The following EPS8L1 variants were observed in gnomAD, a reference collection of about 807,000 sequenced individuals.
The protein encoded by EPS8L1 is EPS8 signaling adaptor L1, also known as epidermal growth factor receptor kinase substrate 8-like protein 1.
In EPS8L1, 101 loss-of-function variants were observed where a neutral mutation model predicts 91.7. The observed-to-expected ratio is 1.10, with a 90% confidence interval of 0.94 to 1.30. The LOEUF is 1.30. Among genes scored for constraint, EPS8L1 ranks in the 50% most tolerant of loss-of-function variants. The pLI is 0.00. For missense variants in EPS8L1, 1,114 were observed against 1,017.0 expected (o/e 1.10, Z -1.30); for synonymous variants, 506 against 445.3 (o/e 1.14, Z -1.72).
chr19:55,079,906 C>A, intron 5 of EPS8L1, 55 bp downstream of exon 5: 1 of 1,539,602 alleles, frequency 6.5e-7, no homozygotes, highest in Non-Finnish European at 8.8e-7. Context: ...TTCAGGGGGT[C>A]TGGGTGTGAA....
At chr19:55,085,044 G>A (rs769998354) in intron 14 of EPS8L1, among the ~76,000 whole-genome samples, 8 of 152,134 alleles carry the variant, frequency 5.3e-5, no homozygotes, top group Non-Finnish European at 1.2e-4. Flanking sequence ...GGTCTCTGGG[G>A]GAGGAAGAAA....
intron 12 of EPS8L1, 60 bp downstream of exon 12, chr19:55,082,662 A>C: frequency 6.8e-7 from 1 of 1,465,566 alleles, no homozygotes; most frequent in Non-Finnish European, 9.2e-7. Context: ...AGGCGCTGGG[A>C]GGTGGGTGGC....
chr19:55,081,849 T>A lies in EPS8L1; in HGVS notation c.851T>A (p.Val284Glu), dbSNP rs1294762906. The change falls in exon 9 of 20, where the codon GTG (valine) becomes GAG (glutamate). Residue 284 changes from valine to glutamate, a missense_variant. By Grantham distance (121) the Val-to-Glu change is moderately radical. Coordinates refer to ENST00000201647, the MANE Select transcript of EPS8L1 (RefSeq NM_133180.3). The surrounding 1 kb of genome is among the most constrained non-coding windows in gnomAD (Gnocchi z 4.9). Reference protein sequence around the residue: ...RLQKSAEAARVLEHRERGRRS... With the variant: ...RLQKSAEAARELEHRERGRRS... ...CAGAAGTCGGCGGAGGCGGCCAGGG[T>A]GCTGGAGCACCGGGAACGCGGCCGC... The A allele has an allele frequency of 6.2e-7, 1 of 1,610,928 alleles. No individual in the cohort carries two copies. The highest frequency in any genetic ancestry group is 1.1e-5 in the South Asian group (1 of 90,986).
rs1281899012 is a variant in EPS8L1, at chr19:55,081,664, T to C, written c.775-109T>C. 2.7e-6 allele frequency: 4 copies of C among 1,489,286 alleles called. No individual in the cohort carries two copies. In the East Asian group the frequency reaches 9.3e-5, roughly 34 times the overall value. The allele number at this position is 1,489,286 out of a possible 1,614,324, so 92.3% of individuals were successfully genotyped here. A position where few individuals can be genotyped will look rare whatever the true frequency, so the allele number is the denominator to read the frequency against. On this transcript the variant is annotated intron_variant, in intron 8 of 19. Coordinates refer to ENST00000201647, the MANE Select transcript of EPS8L1 (RefSeq NM_133180.3). The surrounding 1 kb of genome is among the most constrained non-coding windows in gnomAD (Gnocchi z 4.9). ...TGGTTGTGGGGCGTGGCCAGGTGTT[T>C]GGGGCGTGGCCTGATCTGGGGAAGT...
intron 12 of EPS8L1, 136 bp downstream of exon 12, chr19:55,082,738 G>A: frequency 2.4e-6 from 2 of 839,064 alleles, no homozygotes; most frequent in Non-Finnish European, 3.6e-6. Context: ...GTTGTGTTGG[G>A]GCGGGGCTTA....
chr19:55,087,493 C>G (rs745893794), intron 19 of EPS8L1, 35 bp from the exon 20 acceptor site: 1 of 1,614,118 alleles, frequency 6.2e-7, no homozygotes, highest in Non-Finnish European at 8.5e-7. Flanking sequence ...AGGGCTCGGA[C>G]GCCAGGACAA....
In EPS8L1 at chr19:55,081,258, C is replaced by A. The variant is rs1468909170; in HGVS notation, c.540C>A (p.Asp180Glu). 6.6e-7 allele frequency: 1 copy of A among 1,506,400 alleles called. No individual in the cohort carries two copies. Among genetic ancestry groups the A allele is most frequent in the East Asian group, 2.4e-5 (1 of 40,852 alleles). The allele number at this position is 1,506,400 out of a possible 1,614,324, so 93.3% of individuals were successfully genotyped here. Residue 180 changes from aspartate to glutamate, a missense_variant, in exon 8 of 20, where the codon GAC becomes GAA. By Grantham distance (45) the Asp-to-Glu change is conservative. Coordinates refer to ENST00000201647, the MANE Select transcript of EPS8L1 (RefSeq NM_133180.3). The surrounding 1 kb of genome is among the most constrained non-coding windows in gnomAD (Gnocchi z 4.9). ...LRATQEELQR[D>E]RSPAAETPPL... is the part of the protein sequence containing the mutation. ...CCACGCAGGAGGAGTTGCAGCGCGACCGCTCGCCCGCCGCTGAGACCCCGC... is the reference window on the plus strand; with the variant it reads ...CCACGCAGGAGGAGTTGCAGCGCGAACGCTCGCCCGCCGCTGAGACCCCGC...
At position 55,080,139 on chromosome 19, in the gene EPS8L1, A is replaced by G. The variant is rs866935004; in HGVS notation, c.290A>G (p.Glu97Gly). Residue 97 changes from glutamate to glycine, a missense_variant, in exon 6 of 20, where the codon GAG becomes GGG. By Grantham distance (98) the Glu-to-Gly change is moderately conservative. Coordinates refer to ENST00000201647, the MANE Select transcript of EPS8L1 (RefSeq NM_133180.3). ...LLDPASKEEL[E>G]SYPLGAIVRC... ...CATCCCACCCGGCAGGAGGAGCTGG[A>G]GTCGTACCCACTGGGCGCCATCGTG... is the stretch of plus-strand genomic sequence containing the variant. The G allele has an allele frequency of 6.7e-7, 1 of 1,501,342 alleles. No homozygotes were observed. Among genetic ancestry groups the G allele is most frequent in the Non-Finnish European group, 8.9e-7 (1 of 1,118,788 alleles). The allele number at this position is 1,501,342 out of a possible 1,614,324, so 93.0% of individuals were successfully genotyped here. A position where few individuals can be genotyped will look rare whatever the true frequency, so the allele number is the denominator to read the frequency against.
At chr19:55,084,236 G>A (rs1421107923) in intron 14 of EPS8L1, 1 of 168,458 alleles carries the variant, frequency 5.9e-6, no homozygotes, top group Non-Finnish European at 1.3e-5. Context: ...TTTTCCAGAG[G>A]CTCTAATGCA....
chr19:55,079,591 T>G (rs2147133763), intron 4 of EPS8L1, 99 bp from the exon 5 acceptor site: 6 of 1,378,418 alleles, frequency 4.4e-6, no homozygotes, highest in East Asian at 2.5e-5. Context: ...CTGGAGGAGG[T>G]GTGGTTAGTC....
At position 55,086,937 on chromosome 19, in the gene EPS8L1, A is replaced by G. The variant is rs1602957826; in HGVS notation, c.1952+49A>G. The G allele has an allele frequency of 2.9e-6, 4 of 1,402,490 alleles. No homozygotes were observed. The South Asian group carries it at 4.7e-5, about 17-fold the overall frequency. The allele number at this position is 1,402,490 out of a possible 1,614,324, so 86.9% of individuals were successfully genotyped here. On this transcript the variant is annotated intron_variant, in intron 18 of 19. Coordinates refer to ENST00000201647, the MANE Select transcript of EPS8L1 (RefSeq NM_133180.3). Reference sequence around the variant, plus strand: ...GGCGCGGGTTGATACGGACGCTGGGAGCGGAGCGTTCCGATCGGCCGGGAG... The same window carrying G: ...GGCGCGGGTTGATACGGACGCTGGGGGCGGAGCGTTCCGATCGGCCGGGAG...
At chr19:55,080,449 G>C in intron 6 of EPS8L1, 171 bp downstream of exon 6, 1 of 1,611,480 alleles carries the variant, frequency 6.2e-7, no homozygotes, top group Non-Finnish European at 8.5e-7. Context: ...TGGGGTTTGA[G>C]ATTGGACCCA....
At position 55,083,515 on chromosome 19, in the gene EPS8L1, G is replaced by A. The variant is rs765088412; in HGVS notation, c.1352G>A (p.Arg451Gln). ...CAGCTACAGCACGAGCGGAGGCGCC[G>A]GCAGGTGACCCAAGCGACACAGCAG... The part of the protein sequence containing the change: ...EKQLQHERRR[R>Q]QQSAPQVAVN... The change falls in exon 13 of 20, where the codon CGG becomes CAG. Residue 451 changes from arginine (R) to glutamine (Q), a missense_variant. Physicochemically the swap from Arg to Gln is conservative, Grantham distance 43. Coordinates refer to ENST00000201647, the MANE Select transcript of EPS8L1 (RefSeq NM_133180.3). This position sits in a 1 kb window ranked among gnomAD's most constrained non-coding sequence, Gnocchi z 4.7. The A allele has an allele frequency of 8.1e-6, 13 of 1,609,512 alleles. No homozygotes were observed. Among genetic ancestry groups the A allele is most frequent in the East Asian group, 4.5e-5 (2 of 44,764 alleles).
intron 17 of EPS8L1, 28 bp downstream of exon 17, chr19:55,086,546 G>C: frequency 3.2e-6 from 5 of 1,549,798 alleles, no homozygotes; most frequent in Non-Finnish European, 4.4e-6. Flanking sequence ...CGGCTGCGGG[G>C]AGCGGTCCTT....
Position 55,083,789 on chromosome 19 carries a change from G to A in EPS8L1, c.1385+145G>A, listed in dbSNP as rs1432770813. ...CAGGTGGGTGAGATGGTGATGGGGC[G>A]GGCCGGGGCTGGGAGAGAGGGAGGA... On this transcript the variant is annotated intron_variant, in intron 14 of 19. Coordinates refer to ENST00000201647, the MANE Select transcript of EPS8L1 (RefSeq NM_133180.3). The surrounding 1 kb of genome is among the most constrained non-coding windows in gnomAD (Gnocchi z 4.7). 9.4e-7 allele frequency: 1 copy of A among 1,058,926 alleles called. No homozygotes were observed. The highest frequency in any genetic ancestry group is 1.6e-5 in the African/African-American group (1 of 63,830). 65.6% of individuals were successfully genotyped at this position (1,058,926 alleles called of 1,614,324 possible).
chr19:55,077,146 C>T (rs2076147966), intron 2 of EPS8L1, among the ~76,000 whole-genome samples: 1 of 152,070 alleles, frequency 6.6e-6, no homozygotes, highest in Admixed American at 6.6e-5. Context: ...TTCAAGAATT[C>T]TTAGGAAAGG....
At chr19:55,079,486 A>T (rs2076207274) in intron 4 of EPS8L1, 2 of 634,222 alleles carry the variant, frequency 3.2e-6, no homozygotes, top group African/African-American at 3.7e-5. Flanking sequence ...GTCTGTGAGA[A>T]GCCAGACTCA....
In EPS8L1 at chr19:55,081,737, C is replaced by A. The variant is rs751262307; in HGVS notation, c.775-36C>A. ...CTTCGACGGGGATGGTTTTGGAACT[C>A]GGGAGCCCTGAGCGTCCCCCTCCTC... is the stretch of plus-strand genomic sequence containing the variant. On this transcript the variant is annotated intron_variant, in intron 8 of 19. Coordinates refer to ENST00000201647, the MANE Select transcript of EPS8L1 (RefSeq NM_133180.3). The surrounding 1 kb of genome is among the most constrained non-coding windows in gnomAD (Gnocchi z 4.9). The A allele has an allele frequency of 2.5e-6, 4 of 1,575,812 alleles. No individual in the cohort carries two copies. In the South Asian group the frequency reaches 4.6e-5, roughly 18 times the overall value.
Position 55,081,696 on chromosome 19 carries a change from G to A in EPS8L1, c.775-77G>A. 1 of 1,537,206 alleles carries A rather than the reference G, an allele frequency of 6.5e-7. No homozygotes were observed. Among genetic ancestry groups the A allele is most frequent in the Non-Finnish European group, 8.8e-7 (1 of 1,140,792 alleles). On this transcript the variant is annotated intron_variant, in intron 8 of 19. Transcript: ENST00000201647. This position sits in a 1 kb window ranked among gnomAD's most constrained non-coding sequence, Gnocchi z 4.9. ...TGGCCTGATCTGGGGAAGTGTATAG[G>A]TGCTCAGGTTCAGGGCTTCGACGGG...
Sources: allele counts gnomAD v4.1 joint callset (sites outside exome capture counted in the v4.1 genomes callset), GRCh38; gene constraint gnomAD v4.1.1; non-coding constraint Gnocchi (gnomAD v3.1); transcripts MANE v1.5; gene names NCBI Gene and HGNC (gene_info 2026-07-23, HGNC 2026-07-21).